DNAJB1: variants seen among roughly 807,000 people sequenced by gnomAD.
The protein encoded by DNAJB1 is dnaJ homolog subfamily B member 1.
A neutral mutation model predicts 24.0 loss-of-function variants in DNAJB1; 14 were observed. That is an observed-to-expected ratio of 0.58 (90% CI 0.39 to 0.91). DNAJB1 has a LOEUF of 0.91. DNAJB1 is among the 40% of genes least tolerant of loss of function. The probability of loss-of-function intolerance (pLI) is 0.00; values close to 1 mark genes in which losing one functional copy is unlikely to be tolerated. For synonymous variants in DNAJB1, 262 were observed against 174.4 expected (o/e 1.50, Z -3.96); for missense variants, 517 against 458.1 (o/e 1.13, Z -1.17).
chr19:14,558,982 C>T (rs1199795941), intron 1 of DNAJB1, among the ~76,000 whole-genome samples: 5 of 151,572 alleles, frequency 3.3e-5, no homozygotes, highest in Admixed American at 1.3e-4. Context: ...CCTGGGCAGG[C>T]GTGTGTGTGT....
intron 1 of DNAJB1, among the ~76,000 whole-genome samples, chr19:14,547,384 A>G (rs1018493024): frequency 1.3e-5 from 2 of 151,914 alleles, no homozygotes; most frequent in Non-Finnish European, 2.9e-5. Flanking sequence ...TTTTTGAGAC[A>G]GAGTCTCAGT....
At chr19:14,535,222 A>C in intron 1 of DNAJB1, among the ~76,000 whole-genome samples, 1 of 149,542 alleles carries the variant, frequency 6.7e-6, no homozygotes, top group African/African-American at 2.5e-5. Context: ...AAAATATAAA[A>C]ATTGGCCGGG....
intron 1 of DNAJB1, among the ~76,000 whole-genome samples, chr19:14,547,661 A>AT (rs71166755): frequency 0.49 from 70,089 of 142,880 alleles, 16,869 homozygotes; most frequent in Non-Finnish European, 0.53. Flanking sequence ...TGTACCTAAT[A>AT]TTTTTTTTTT....
upstream of DNAJB1, chr19:14,529,904 A>G: frequency 1.3e-6 from 1 of 774,828 alleles, no homozygotes; most frequent in Non-Finnish European, 2.1e-6. Flanking sequence ...AGTATTTATA[A>G]ATCTGCAACC....
chr19:14,526,158 G>A (rs887632733), intron 2 of DNAJB1, among the ~76,000 whole-genome samples: 6 of 152,190 alleles, frequency 3.9e-5, no homozygotes, highest in African/African-American at 1.2e-4. Flanking sequence ...GGAAGCTGCC[G>A]CAGCTTAGGC....
At chr19:14,521,349 C>T (rs930043282), upstream of DNAJB1, among the ~76,000 whole-genome samples, 1 of 151,904 alleles carries the variant, frequency 6.6e-6, no homozygotes, top group Non-Finnish European at 1.5e-5. Context: ...ATCCCAGCTA[C>T]GCTGGAGGCT....
At chr19:14,516,234 G>C in intron 2 of DNAJB1, 64 bp from the exon 3 acceptor site, 1 of 1,578,580 alleles carries the variant, frequency 6.3e-7, no homozygotes, top group South Asian at 1.1e-5. Flanking sequence ...CTTGCCCAGA[G>C]GCCGTCTGCC....
rs1359624363 is a variant in DNAJB1 at position 14,516,966 on chromosome 19, G to A, written c.292C>T (p.Pro98Ser). The A allele has an allele frequency of 6.2e-7, 1 of 1,613,256 alleles. No individual in the cohort carries two copies. Among genetic ancestry groups the A allele is most frequent in the Non-Finnish European group, 8.5e-7 (1 of 1,180,004 alleles). ...TSFSYTFHGD[P>S]HAMFAEFFGG... Reference sequence around the variant, plus strand: ...AAGAACTCAGCAAACATGGCATGAGGGTCTCCATGGAATGTGTAGCTGAAA... The same window carrying A: ...AAGAACTCAGCAAACATGGCATGAGAGTCTCCATGGAATGTGTAGCTGAAA... Residue 98 changes from proline to serine, a missense_variant, in exon 2 of 3, where the codon CCT becomes TCT. Pro to Ser is a moderately conservative substitution (Grantham distance 74). Coordinates refer to ENST00000254322, the MANE Select transcript of DNAJB1 (RefSeq NM_006145.3).
At chr19:14,551,649 C>T (rs2073510032), upstream of DNAJB1, among the ~76,000 whole-genome samples, 1 of 152,000 alleles carries the variant, frequency 6.6e-6, no homozygotes, top group Admixed American at 6.6e-5. Context: ...GTAAACCCTG[C>T]CTGGGCCCCG....
At chr19:14,528,628 G>C (rs1026901550) in intron 1 of DNAJB1, among the ~76,000 whole-genome samples, 3 of 152,072 alleles carry the variant, frequency 2.0e-5, no homozygotes, top group Non-Finnish European at 4.4e-5. Context: ...TAGTTCCCCT[G>C]TCCATAGGGC....
At chr19:14,542,305 G>A (rs2073120608) in intron 1 of DNAJB1, among the ~76,000 whole-genome samples, 1 of 141,452 alleles carries the variant, frequency 7.1e-6, no homozygotes. Context: ...CTATTGGAGG[G>A]CAGTTCATTT....
upstream of DNAJB1, chr19:14,529,353 A>G: frequency 4.2e-6 from 2 of 476,678 alleles, no homozygotes; most frequent in Non-Finnish European, 7.7e-6. Context: ...TGGCAAAGGG[A>G]CGCGCGGGGC....
upstream of DNAJB1, among the ~76,000 whole-genome samples, chr19:14,551,655 C>T (rs562941647): frequency 3.3e-5 from 5 of 152,110 alleles, no homozygotes; most frequent in Admixed American, 6.5e-5. Flanking sequence ...CCTGCCTGGG[C>T]CCCGCTGTGG....
chr19:14,524,075 C>T (rs777777358), intron 2 of DNAJB1, among the ~76,000 whole-genome samples: 8 of 152,332 alleles, frequency 5.3e-5, no homozygotes, highest in African/African-American at 1.9e-4. Context: ...GGTCATGTGA[C>T]TTCCCCAGGG....
At chr19:14,527,380 A>C (rs1481694167) in intron 2 of DNAJB1, 1 of 151,686 alleles carries the variant, frequency 6.6e-6, no homozygotes, top group African/African-American at 2.4e-5. Context: ...TGGTTTCGCC[A>C]TGTTGGCCAA....
chr19:14,537,988 C>T (rs975627816), intron 1 of DNAJB1, among the ~76,000 whole-genome samples: 9 of 152,042 alleles, frequency 5.9e-5, no homozygotes, highest in African/African-American at 1.7e-4. Flanking sequence ...TCAGGTGATC[C>T]GCCCAACTTG....
upstream of DNAJB1, among the ~76,000 whole-genome samples, chr19:14,552,180 T>C (rs898784858): frequency 6.7e-6 from 1 of 149,810 alleles, no homozygotes; most frequent in African/African-American, 2.4e-5. Context: ...TTCTTTTTTT[T>C]TTTTTTTGAG....
At chr19:14,540,713 GA>G (rs148483492) in intron 1 of DNAJB1, among the ~76,000 whole-genome samples, 33,072 of 152,024 alleles carry the variant, frequency 0.22, 3,861 homozygotes, top group South Asian at 0.41. Context: ...ATTTTTAGTA[GA>G]GGCAAGGTTT....
rs1171318973 is a variant in DNAJB1 at position 14,515,192 on chromosome 19, T to C, written c.*748A>G. The C allele has an allele frequency of 6.6e-6, 1 of 152,600 alleles. No homozygotes were observed. The highest frequency in any genetic ancestry group is 1.5e-5 in the Non-Finnish European group (1 of 68,046). The allele number at this position is 152,600 out of a possible 1,614,324, so 9.5% of individuals were successfully genotyped here. On this transcript the variant is annotated 3_prime_UTR_variant, in exon 3 of 3. Transcript: ENST00000254322. ...CTGGGCCACTGGTAAGCCCCACGTG[T>C]GCCAAGATTGCCTTACAGAAATGTA...
Sources: allele counts gnomAD v4.1 joint callset (sites outside exome capture counted in the v4.1 genomes callset), GRCh38; gene constraint gnomAD v4.1.1; transcripts MANE v1.5; gene names NCBI Gene and HGNC (gene_info 2026-07-23, HGNC 2026-07-21).